Variants in OPCML observed in about 807,000 individuals in gnomAD.
OPCML encodes the protein opioid-binding protein/cell adhesion molecule.
A neutral mutation model predicts 37.8 loss-of-function variants in OPCML; 13 were observed. The ratio of observed to expected loss-of-function variants is 0.34; its 90% CI spans 0.22 to 0.55. The LOEUF (loss-of-function observed/expected upper bound fraction) is 0.55. Ranked by LOEUF, OPCML falls within the 20% of genes least tolerant of loss-of-function variation. OPCML has a pLI of 0.91. For missense variants in OPCML, 341 were observed against 435.6 expected (o/e 0.78, Z 1.93); for synonymous variants, 176 against 168.8 (o/e 1.04, Z -0.33).
intron 2 of OPCML, among the ~76,000 whole-genome samples, chr11:132,866,748 T>A (rs143588447): frequency 1.3e-5 from 2 of 152,330 alleles, no homozygotes; most frequent in Admixed American, 1.3e-4. Context: ...TATTGTGAGG[T>A]CCATGGAGAT....
intron 2 of OPCML, among the ~76,000 whole-genome samples, chr11:132,686,140 A>G (rs1484248475): frequency 6.6e-6 from 1 of 152,206 alleles, no homozygotes; most frequent in Non-Finnish European, 1.5e-5. Flanking sequence ...GTTGATCAGC[A>G]TCAGGCTGTC....
intron 3 of OPCML, among the ~76,000 whole-genome samples, chr11:132,649,926 G>C (rs59051808): frequency 0.014 from 2,031 of 147,570 alleles, 34 homozygotes; most frequent in African/African-American, 0.037. Context: ...TACACGCACT[G>C]TTACACACAC....
intron 2 of OPCML, among the ~76,000 whole-genome samples, chr11:132,934,190 A>G (rs1945297169): frequency 6.6e-6 from 1 of 152,154 alleles, no homozygotes; most frequent in African/African-American, 2.4e-5. Context: ...AAGCATTGGA[A>G]AGTCCTGGAA....
At chr11:132,621,945 C>T (rs930633513) in intron 3 of OPCML, among the ~76,000 whole-genome samples, 9 of 152,122 alleles carry the variant, frequency 5.9e-5, no homozygotes, top group Non-Finnish European at 1.0e-4. Flanking sequence ...GTAGACACTA[C>T]AAGAAAAGAA....
At chr11:132,527,925 A>T (rs902443464) in intron 4 of OPCML, among the ~76,000 whole-genome samples, 1 of 119,666 alleles carries the variant, frequency 8.4e-6, no homozygotes, top group Non-Finnish European at 2.1e-5. Context: ...GGCAGAGATC[A>T]GGGTAATATA....
At chr11:132,890,856 C>CAAAAAAAAAA (rs57246769) in intron 2 of OPCML, among the ~76,000 whole-genome samples, 39 of 45,744 alleles carry the variant, frequency 8.5e-4, no homozygotes, top group East Asian at 1.4e-3. Flanking sequence ...GACTCCATCT[C>CAAAAAAAAAA]AAAAAAAAAA....
At chr11:132,537,703 A>G (rs2096344677) in intron 3 of OPCML, among the ~76,000 whole-genome samples, 1 of 152,250 alleles carries the variant, frequency 6.6e-6, no homozygotes, top group South Asian at 2.1e-4. Context: ...TACTGTCAAA[A>G]TATGTAAAAG....
intron 2 of OPCML, among the ~76,000 whole-genome samples, chr11:132,813,933 C>T (rs780589321): frequency 4.6e-5 from 7 of 152,202 alleles, no homozygotes; most frequent in Non-Finnish European, 7.3e-5. Flanking sequence ...GTTTTACATG[C>T]ACTAATAACA....
chr11:133,011,817 C>T (rs1001748003), intron 1 of OPCML, among the ~76,000 whole-genome samples: 3 of 152,118 alleles, frequency 2.0e-5, no homozygotes, highest in East Asian at 1.9e-4. Context: ...ATAGGGCTAA[C>T]GTTATCTCTT....
At chr11:133,003,026 T>A (rs970993480) in intron 1 of OPCML, among the ~76,000 whole-genome samples, 10 of 152,132 alleles carry the variant, frequency 6.6e-5, no homozygotes, top group Non-Finnish European at 1.5e-4. Context: ...TAAGTCCAAT[T>A]TCTTCATTCA....
chr11:132,936,961 A>G (rs1945398850), intron 2 of OPCML, among the ~76,000 whole-genome samples: 1 of 152,236 alleles, frequency 6.6e-6, no homozygotes, highest in Admixed American at 6.5e-5. Flanking sequence ...AAAGGAAGAA[A>G]GAAAATGAAG....
At chr11:133,415,830 C>T (rs1945748833) in intron 1 of OPCML, among the ~76,000 whole-genome samples, 1 of 152,122 alleles carries the variant, frequency 6.6e-6, no homozygotes, top group African/African-American at 2.4e-5. Context: ...TTTACTGCCC[C>T]GTGATACGGA....
At chr11:133,198,305 A>T (rs1938618891) in intron 1 of OPCML, among the ~76,000 whole-genome samples, 1 of 152,276 alleles carries the variant, frequency 6.6e-6, no homozygotes, top group Non-Finnish European at 1.5e-5. Context: ...GTTTTCTCAC[A>T]GTTCTGAGTT....
At chr11:132,608,382 G>A (rs1297054384) in intron 3 of OPCML, among the ~76,000 whole-genome samples, 1 of 152,186 alleles carries the variant, frequency 6.6e-6, no homozygotes, top group Admixed American at 6.5e-5. Context: ...AGGGAAGAGG[G>A]ACTGCTATTT....
chr11:133,096,770 G>A (rs981020819), intron 1 of OPCML, among the ~76,000 whole-genome samples: 3 of 151,998 alleles, frequency 2.0e-5, no homozygotes, highest in South Asian at 2.1e-4. Flanking sequence ...TCTGAAATTA[G>A]AGCAAGGTAA....
intron 1 of OPCML, among the ~76,000 whole-genome samples, chr11:133,076,557 C>T (rs1433715290): frequency 2.0e-5 from 3 of 152,258 alleles, no homozygotes; most frequent in South Asian, 2.1e-4. Context: ...CAAACGCAAG[C>T]GGCGGTCCAG....
chr11:132,803,279 G>A (rs534393503), intron 2 of OPCML, among the ~76,000 whole-genome samples: 1 of 152,156 alleles, frequency 6.6e-6, no homozygotes, highest in African/African-American at 2.4e-5. Context: ...CAATGCACAT[G>A]TGTTTTAGCA....
intron 2 of OPCML, among the ~76,000 whole-genome samples, chr11:132,910,208 G>C (rs1314939484): frequency 6.6e-6 from 1 of 152,206 alleles, no homozygotes. Context: ...CCGCATTCCC[G>C]AATGGAGTCT....
chr11:132,471,865 C>G (rs954343177), intron 4 of OPCML, among the ~76,000 whole-genome samples: 17 of 152,200 alleles, frequency 1.1e-4, no homozygotes, highest in African/African-American at 4.1e-4. Context: ...ATGAGAACTC[C>G]AGCCCACATT....
Sources: gnomAD v4.1 joint callset for allele counts (sites outside exome capture counted in the v4.1 genomes callset) on GRCh38, gnomAD v4.1.1 for gene constraint, MANE v1.5 for transcripts, NCBI Gene and HGNC (gene_info 2026-07-23, HGNC 2026-07-21) for gene names.